Variants in TMEM178B observed in about 807,000 individuals in gnomAD.
TMEM178B encodes transmembrane protein 178B.
Under a neutral mutation model 31.0 loss-of-function variants are expected in TMEM178B, and 5 were observed. The ratio of observed to expected loss-of-function variants is 0.16; its 90% CI spans 0.08 to 0.34. The LOEUF (loss-of-function observed/expected upper bound fraction) is 0.34, where lower values mean the gene tolerates loss of function less well. TMEM178B is among the 10% of genes least tolerant of loss of function. TMEM178B has a pLI of 1.00. For missense variants in TMEM178B, 275 were observed against 400.3 expected (o/e 0.69, Z 2.67); for synonymous variants, 164 against 164.0 (o/e 1.00, Z 0.00).
Position 141,216,861 on chromosome 7 carries a change from G to A in TMEM178B, c.496+4157G>A, listed in dbSNP as rs549392345. ...GCCCTGGGGTGCAGTGCAAAGCGAG[G>A]TAGAACGGCATTTATCCTGCCTCTG... On this transcript the variant is annotated intron_variant, in intron 2 of 3. Transcript: ENST00000565468. Among the ~76,000 whole-genome samples, 17 of 152,154 alleles carry A rather than the reference G, an allele frequency of 1.1e-4. No homozygotes were observed. The East Asian group carries it at 2.1e-3, about 19-fold the overall frequency.
chr7:141,276,550 A>T (rs569969944), intron 2 of TMEM178B, among the ~76,000 whole-genome samples: 1 of 152,158 alleles, frequency 6.6e-6, no homozygotes, highest in East Asian at 1.9e-4. Context: ...AAACCATCAG[A>T]TCTCATGAGA....
At chr7:141,434,834 C>G (rs945034449) in intron 2 of TMEM178B, among the ~76,000 whole-genome samples, 3 of 152,196 alleles carry the variant, frequency 2.0e-5, no homozygotes, top group Non-Finnish European at 4.4e-5. Flanking sequence ...TTTTAGGTCT[C>G]ACATATGAGT....
At chr7:141,258,192 T>C (rs1797958659) in intron 2 of TMEM178B, among the ~76,000 whole-genome samples, 1 of 151,452 alleles carries the variant, frequency 6.6e-6, no homozygotes, top group Non-Finnish European at 1.5e-5. Context: ...ATGCATGTTA[T>C]ATATGTATGT....
At chr7:141,376,489 T>C (rs1800216309) in intron 2 of TMEM178B, among the ~76,000 whole-genome samples, 1 of 152,246 alleles carries the variant, frequency 6.6e-6, no homozygotes, top group African/African-American at 2.4e-5. Flanking sequence ...CCTGATGTTA[T>C]ATGTCTTTGA....
chr7:141,089,698 A>C (rs936323961), intron 1 of TMEM178B, among the ~76,000 whole-genome samples: 18 of 152,220 alleles, frequency 1.2e-4, no homozygotes, highest in Non-Finnish European at 2.6e-4. Context: ...GGATGAGTTC[A>C]TGTCCTTTGT....
intron 2 of TMEM178B, among the ~76,000 whole-genome samples, chr7:141,281,313 T>C (rs929883559): frequency 8.5e-6 from 1 of 118,180 alleles, no homozygotes; most frequent in African/African-American, 3.9e-5. Flanking sequence ...ACAAGATAGA[T>C]TTTTTTTTTC....
intron 1 of TMEM178B, among the ~76,000 whole-genome samples, chr7:141,100,834 T>C (rs1307612943): frequency 5.9e-5 from 9 of 152,194 alleles, no homozygotes; most frequent in Non-Finnish European, 1.2e-4. Context: ...CAAAATTTAT[T>C]CCGAAAGAGG....
At chr7:141,424,496 G>A (rs1363104116) in intron 2 of TMEM178B, among the ~76,000 whole-genome samples, 3 of 152,198 alleles carry the variant, frequency 2.0e-5, no homozygotes, top group Non-Finnish European at 4.4e-5. Context: ...GCAATCGGTG[G>A]CCAGGCCTCT....
chr7:141,075,889 G>A (rs2129170211), intron 1 of TMEM178B, among the ~76,000 whole-genome samples: 2 of 152,280 alleles, frequency 1.3e-5, no homozygotes, highest in East Asian at 3.9e-4. Flanking sequence ...GGATACAAGT[G>A]TGCAATTGAT....
At chr7:141,490,198 C>G in the TMEM178B span, among the ~76,000 whole-genome samples, 1 of 152,196 alleles carries the variant, frequency 6.6e-6, no homozygotes, top group Non-Finnish European at 1.5e-5. Context: ...GACAAGGAAA[C>G]AGTGCTGGTA....
At chr7:141,494,498 G>A in the TMEM178B span, among the ~76,000 whole-genome samples, 1 of 152,162 alleles carries the variant, frequency 6.6e-6, no homozygotes, top group Non-Finnish European at 1.5e-5. Flanking sequence ...TCTGAGACTT[G>A]AACTCAGTTC....
intron 2 of TMEM178B, among the ~76,000 whole-genome samples, chr7:141,424,162 C>G (rs1251247476): frequency 6.6e-6 from 1 of 152,064 alleles, no homozygotes; most frequent in Non-Finnish European, 1.5e-5. Context: ...GGCATGGTCC[C>G]AAAGTGCCTT....
intron 2 of TMEM178B, among the ~76,000 whole-genome samples, chr7:141,379,114 A>G (rs945626601): frequency 3.3e-5 from 5 of 152,082 alleles, no homozygotes; most frequent in African/African-American, 1.2e-4. Flanking sequence ...GACAGGCCAT[A>G]TAGTCCATAA....
At chr7:141,389,165 C>G (rs796348599) in intron 2 of TMEM178B, among the ~76,000 whole-genome samples, 5 of 152,324 alleles carry the variant, frequency 3.3e-5, no homozygotes, top group African/African-American at 1.2e-4. Flanking sequence ...TTCATCACTT[C>G]TTCCAGATAC....
chr7:141,408,078 G>C (rs1800917009), intron 2 of TMEM178B, among the ~76,000 whole-genome samples: 1 of 152,066 alleles, frequency 6.6e-6, no homozygotes, highest in Admixed American at 6.5e-5. Context: ...TGCATTTTCT[G>C]ACACTGAGAT....
At chr7:141,464,754 A>T (rs983408151) in intron 3 of TMEM178B, among the ~76,000 whole-genome samples, 3 of 152,026 alleles carry the variant, frequency 2.0e-5, no homozygotes. Flanking sequence ...CTTCCCCATC[A>T]TCACAGTTAC....
chr7:141,117,516 G>C (rs1795338374), intron 1 of TMEM178B, among the ~76,000 whole-genome samples: 1 of 152,132 alleles, frequency 6.6e-6, no homozygotes, highest in African/African-American at 2.4e-5. Flanking sequence ...AGTTTAATTA[G>C]TTCCCATTTG....
chr7:141,336,921 C>T (rs1482702909), intron 2 of TMEM178B, among the ~76,000 whole-genome samples: 11 of 133,830 alleles, frequency 8.2e-5, no homozygotes, highest in East Asian at 4.6e-4. Context: ...ACCACCACCA[C>T]CACCACCACC....
At chr7:141,486,512 T>A in the TMEM178B span, among the ~76,000 whole-genome samples, 4 of 152,150 alleles carry the variant, frequency 2.6e-5, no homozygotes, top group Non-Finnish European at 5.9e-5. Flanking sequence ...GTCACTGAGG[T>A]TTGGAACAAG....
Sources: allele counts gnomAD v4.1 joint callset (sites outside exome capture counted in the v4.1 genomes callset), GRCh38; gene constraint gnomAD v4.1.1; transcripts MANE v1.5; gene names NCBI Gene and HGNC (gene_info 2026-07-23, HGNC 2026-07-21).